TRPC1: variants seen among roughly 807,000 people sequenced by gnomAD.
TRPC1 encodes short transient receptor potential channel 1.
TRPC1 carries 42 observed loss-of-function variants against 88.2 expected under a neutral mutation model. That is an observed-to-expected ratio of 0.48 (90% CI 0.37 to 0.62). The LOEUF is 0.62. Ranked by LOEUF, TRPC1 falls within the 20% of genes least tolerant of loss-of-function variation. TRPC1 has a pLI of 0.00. For synonymous variants in TRPC1, 288 were observed against 331.8 expected, an observed-to-expected ratio of 0.87 and a Z score of 1.43; for missense variants, 699 against 957.3, an observed-to-expected ratio of 0.73 and a Z score of 3.56.
In TRPC1 at chr3:142,802,269, A is replaced by C; in HGVS notation, c.1682A>C (p.Lys561Thr). 2 of 1,600,566 alleles carry C rather than the reference A, an allele frequency of 1.2e-6. No individual in the cohort carries two copies. The highest frequency in any genetic ancestry group is 1.1e-5 in the South Asian group (1 of 87,902). ...FTIGLTQLYD[K>T]GYTSKEQKDC... ...ATTGGACTGACACAACTGTATGATAAAGGATATACTTCAAAGGAGCAGAAG... is the reference window on the plus strand; with the variant it reads ...ATTGGACTGACACAACTGTATGATACAGGATATACTTCAAAGGAGCAGAAG... The change falls in exon 10 of 13, where the codon AAA becomes ACA. Residue 561 changes from lysine to threonine, a missense_variant. Physicochemically the swap from Lys to Thr is moderately conservative, Grantham distance 78. Around this residue, in one of 4 missense-constraint regions of TRPC1, gnomAD observed 426 missense variants for 641.3 expected, o/e 0.66. Coordinates refer to ENST00000476941, the MANE Select transcript of TRPC1 (RefSeq NM_001251845.2).
chr3:142,800,454 C>T (rs1443303572), intron 9 of TRPC1, among the ~76,000 whole-genome samples: 1 of 152,164 alleles, frequency 6.6e-6, no homozygotes, highest in Non-Finnish European at 1.5e-5. Context: ...CTGGAAGCAT[C>T]TGGCCAGTTG....
intron 9 of TRPC1, among the ~76,000 whole-genome samples, chr3:142,798,336 C>G (rs1392770451): frequency 6.6e-6 from 1 of 152,124 alleles, no homozygotes; most frequent in Non-Finnish European, 1.5e-5. Context: ...CTGGAGCTTA[C>G]TAAGACATGG....
At chr3:142,772,488 A>C (rs1935611096) in intron 4 of TRPC1, among the ~76,000 whole-genome samples, 2 of 152,162 alleles carry the variant, frequency 1.3e-5, no homozygotes, top group Non-Finnish European at 2.9e-5. Flanking sequence ...GAGGTACCAC[A>C]AAGTAGCTTA....
At chr3:142,790,967 T>G (rs1055812271) in intron 7 of TRPC1, 52 bp from the exon 8 acceptor site, 17 of 1,410,362 alleles carry the variant, frequency 1.2e-5, no homozygotes, top group Non-Finnish European at 1.5e-5. Flanking sequence ...ATTATTTAGT[T>G]TATTTATTGA....
At chr3:142,765,297 T>G (rs1935342830) in intron 4 of TRPC1, among the ~76,000 whole-genome samples, 1 of 152,130 alleles carries the variant, frequency 6.6e-6, no homozygotes, top group Admixed American at 6.6e-5. Flanking sequence ...ACCAACATCA[T>G]TTTTCACAGA....
At chr3:142,730,725 G>T (rs1456314730) in intron 1 of TRPC1, among the ~76,000 whole-genome samples, 1 of 138,084 alleles carries the variant, frequency 7.2e-6, no homozygotes, top group Non-Finnish European at 1.6e-5. Context: ...ACTTGATCAT[G>T]TCTTTTTATT....
intron 4 of TRPC1, among the ~76,000 whole-genome samples, chr3:142,751,685 T>C (rs1385273391): frequency 1.3e-5 from 2 of 152,198 alleles, no homozygotes; most frequent in African/African-American, 4.8e-5. Context: ...AAACTATTTT[T>C]AGGTTAAGGA....
At chr3:142,787,913 C>T (rs1347049872) in intron 7 of TRPC1, among the ~76,000 whole-genome samples, 1 of 152,092 alleles carries the variant, frequency 6.6e-6, no homozygotes, top group East Asian at 1.9e-4. Context: ...GAGGAAGCTA[C>T]TCTAGGCTGA....
rs942886075 is a variant in TRPC1 at position 142,780,816 on chromosome 3, G to T, written c.765-18G>T. The T allele has an allele frequency of 1.9e-6, 3 of 1,575,328 alleles. No homozygotes were observed. The highest frequency in any genetic ancestry group is 1.9e-5 in the Admixed American group (1 of 53,694). ...GATGGAAACGACGTTTCTGATAATA[G>T]AATGCTGCATTTTATAGGAATGATT... is the stretch of plus-strand genomic sequence containing the variant. On this transcript the variant is annotated intron_variant, in intron 5 of 12. Coordinates refer to ENST00000476941, the MANE Select transcript of TRPC1 (RefSeq NM_001251845.2).
chr3:142,737,982 C>T (rs751775257), intron 2 of TRPC1, among the ~76,000 whole-genome samples: 18 of 152,030 alleles, frequency 1.2e-4, no homozygotes, highest in Non-Finnish European at 1.8e-4. Context: ...AAAATTCATA[C>T]GCTGATTCTG....
rs531806941 is a variant in TRPC1 at position 142,787,663 on chromosome 3, G to A, written c.1297+2623G>A. On this transcript the variant is annotated intron_variant, in intron 7 of 12. Transcript: ENST00000476941. ...AAGCAGATATGGCCCATACACTCGT[G>A]AAGCTTATGATCTAATAAAAGCCAA... is the stretch of plus-strand genomic sequence containing the variant. 1.2e-4 allele frequency among the ~76,000 whole-genome samples: 18 copies of A among 152,234 alleles called. No homozygotes were observed. In the South Asian group the frequency reaches 3.5e-3, roughly 30 times the overall value.
intron 2 of TRPC1, among the ~76,000 whole-genome samples, chr3:142,743,109 C>T (rs1375904855): frequency 1.3e-5 from 2 of 152,028 alleles, no homozygotes; most frequent in African/African-American, 4.8e-5. Flanking sequence ...TAGTTCTTGA[C>T]AGTTTCTTTT....
At chr3:142,727,834 G>A (rs1288550204) in intron 1 of TRPC1, among the ~76,000 whole-genome samples, 2 of 152,202 alleles carry the variant, frequency 1.3e-5, no homozygotes, top group Non-Finnish European at 2.9e-5. Context: ...CCATGGCTTT[G>A]TCCTCTCTCA....
chr3:142,744,208 G>A (rs975695980), intron 3 of TRPC1, among the ~76,000 whole-genome samples: 3 of 151,982 alleles, frequency 2.0e-5, no homozygotes, highest in African/African-American at 7.2e-5. Context: ...ATCAAATACA[G>A]TAAGATACTA....
intron 6 of TRPC1, among the ~76,000 whole-genome samples, chr3:142,781,822 A>G (rs1935966977): frequency 6.6e-6 from 1 of 152,144 alleles, no homozygotes; most frequent in Admixed American, 6.6e-5. Context: ...TTCATTGTTA[A>G]CATAGATGTT....
chr3:142,778,740 A>G (rs1244603237), intron 5 of TRPC1, among the ~76,000 whole-genome samples: 1 of 152,138 alleles, frequency 6.6e-6, no homozygotes, highest in Non-Finnish European at 1.5e-5. Flanking sequence ...TCAAATTTCT[A>G]CTTCCTGGAA....
chr3:142,743,289 T>C (rs533882448), intron 2 of TRPC1, among the ~76,000 whole-genome samples, 196 bp from the exon 3 acceptor site: 1 of 149,488 alleles, frequency 6.7e-6, no homozygotes, highest in African/African-American at 2.4e-5. Context: ...GACAGAAACG[T>C]GTGTATTGTG....
intron 7 of TRPC1, among the ~76,000 whole-genome samples, chr3:142,790,591 T>C (rs1936263611): frequency 6.6e-6 from 1 of 152,010 alleles, no homozygotes; most frequent in Admixed American, 6.6e-5. Context: ...TAAGTATAGG[T>C]AGAGAAAAGA....
chr3:142,747,853 T>TTAA (rs1438902371), intron 3 of TRPC1, among the ~76,000 whole-genome samples: 4 of 152,326 alleles, frequency 2.6e-5, no homozygotes, highest in Non-Finnish European at 4.4e-5. Context: ...TTCTCACATG[T>TTAA]TAATATTCTC....
Sources: allele counts gnomAD v4.1 joint callset (sites outside exome capture counted in the v4.1 genomes callset), GRCh38; gene constraint gnomAD v4.1.1; regional missense constraint gnomAD v4.1.1; transcripts MANE v1.5; gene names NCBI Gene and HGNC (gene_info 2026-07-23, HGNC 2026-07-21).